Variants in PBK observed in about 807,000 individuals in gnomAD.
The protein encoded by PBK is lymphokine-activated killer T-cell-originated protein kinase.
PBK carries 22 observed loss-of-function variants against 33.5 expected under a neutral mutation model. The observed-to-expected ratio is 0.66, with a 90% CI of 0.47 to 0.94. PBK has a LOEUF of 0.94. PBK is among the 40% of genes least tolerant of loss of function. The pLI is 0.00. For synonymous variants in PBK, 129 were observed against 123.8 expected (o/e 1.04, Z -0.28); for missense variants, 376 against 383.4 (o/e 0.98, Z 0.16).
At chr8:27,816,565 A>G (rs1367364534) in intron 6 of PBK, among the ~76,000 whole-genome samples, 1 of 151,168 alleles carries the variant, frequency 6.6e-6, no homozygotes, top group Non-Finnish European at 1.5e-5. Context: ...TTTAGTAGAG[A>G]CGGGGTTTCA....
intron 6 of PBK, among the ~76,000 whole-genome samples, chr8:27,817,872 C>G (rs1213874835): frequency 6.6e-6 from 1 of 152,162 alleles, no homozygotes; most frequent in Non-Finnish European, 1.5e-5. Flanking sequence ...ATGAAACTTT[C>G]TATGATGATT....
chr8:27,822,379 T>G lies in PBK; in HGVS notation c.405A>C (p.Gln135His). ...AAATTATGGCTGCTGGAAAAGGATC[T>G]TGGCTGGCTTTATATCGTTCTTCTA... Reference protein sequence around the residue: ...DLIEERYKASQDPFPAAIILK... With the variant: ...DLIEERYKASHDPFPAAIILK... Residue 135 changes from glutamine (Q) to histidine (H), a missense_variant, in exon 5 of 8, where the codon CAA becomes CAC. Transcript: ENST00000301905. 6.2e-7 allele frequency: 1 copy of G among 1,613,726 alleles called. No individual in the cohort carries two copies. Among genetic ancestry groups the G allele is most frequent in the Non-Finnish European group, 8.5e-7 (1 of 1,179,814 alleles).
intron 1 of PBK, among the ~76,000 whole-genome samples, chr8:27,834,694 G>A (rs1438194618): frequency 6.6e-6 from 1 of 152,170 alleles, no homozygotes; most frequent in African/African-American, 2.4e-5. Context: ...AGGAGTTCAA[G>A]ACCAGCCTGG....
At chr8:27,825,275 AC>A (rs1003384738) in intron 3 of PBK, among the ~76,000 whole-genome samples, 5 of 152,244 alleles carry the variant, frequency 3.3e-5, no homozygotes, top group African/African-American at 1.2e-4. Context: ...CCCCTTCTCT[AC>A]AAAAAACTTT....
At position 27,816,343 on chromosome 8, in the gene PBK, C is replaced by CTATATATATATATATA. The variant is rs767822258; in HGVS notation, c.595+4221_595+4222insTATATATATATATATA. 1.2e-4 allele frequency among the ~76,000 whole-genome samples: 16 copies of CTATATATATATATATA among 136,376 alleles called. 1 individual carries two copies. The highest frequency in any genetic ancestry group is 3.7e-4 in the Admixed American group (5 of 13,678). 89.5% of individuals were successfully genotyped at this position (136,376 alleles called of 152,430 possible). On this transcript the variant is annotated intron_variant, in intron 6 of 7. Transcript: ENST00000301905. ...TAAGATTTTGGCTTTTCATCGAATA[C>CTATATATATATATATA]TATATATATATATATTTATTTATTT...
intron 6 of PBK, among the ~76,000 whole-genome samples, chr8:27,813,953 A>G (rs1805758686): frequency 6.8e-6 from 1 of 146,428 alleles, no homozygotes; most frequent in South Asian, 2.1e-4. Context: ...GCAGGTGTAC[A>G]TGTTTATGTG....
chr8:27,832,685 G>A (rs1050612148), intron 2 of PBK, among the ~76,000 whole-genome samples: 1 of 152,118 alleles, frequency 6.6e-6, no homozygotes, highest in Non-Finnish European at 1.5e-5. Flanking sequence ...TTTTTTGCAC[G>A]TGGATATCTA....
intron 6 of PBK, among the ~76,000 whole-genome samples, chr8:27,818,303 C>T (rs1178086249): frequency 6.6e-6 from 1 of 152,216 alleles, no homozygotes; most frequent in Non-Finnish European, 1.5e-5. Flanking sequence ...TACATTGTTG[C>T]TCATACTAGC....
rs557551242 is a variant in PBK at position 27,818,740 on chromosome 8, C to T, written c.595+1825G>A. ...CTCCAACCCACTGTGATATAGAATTCTTTTTTTTTAAATGGAGGTACCCAT... is the reference window on the plus strand; with the variant it reads ...CTCCAACCCACTGTGATATAGAATTTTTTTTTTTTAAATGGAGGTACCCAT... On this transcript the variant is annotated intron_variant, in intron 6 of 7. Coordinates refer to ENST00000301905, the MANE Select transcript of PBK (RefSeq NM_018492.4). Among the ~76,000 whole-genome samples the T allele has an allele frequency of 6.0e-5, 9 of 151,226 alleles. No homozygotes were observed. In the East Asian group the frequency reaches 1.4e-3, roughly 23 times the overall value.
At chr8:27,823,662 CTTA>C (rs559062816) in intron 3 of PBK, among the ~76,000 whole-genome samples, 85 of 152,044 alleles carry the variant, frequency 5.6e-4, no homozygotes, top group Non-Finnish European at 8.2e-4. Context: ...GCATGCTGTT[CTTA>C]TTGCTCCCCT....
Position 27,820,648 on chromosome 8 carries a change from G to GAAGA in PBK, c.508_511dup (p.Ser171PhefsTer7), listed in dbSNP as rs1387986794. ...AAAATCGCCTTTAATTACAACATTT[G>GAAGA]AAGACTTTATGTCTCCATGAAGCAG... On this transcript the variant is annotated frameshift_variant, in exon 6 of 8. Coordinates refer to ENST00000301905, the MANE Select transcript of PBK (RefSeq NM_018492.4). LOFTEE classifies it high-confidence loss of function. 1.3e-6 allele frequency: 2 copies of GAAGA among 1,568,878 alleles called. No homozygotes were observed. The highest frequency in any genetic ancestry group is 1.8e-6 in the Non-Finnish European group (2 of 1,141,766).
chr8:27,812,969 G>A (rs1805723663), intron 6 of PBK, among the ~76,000 whole-genome samples: 1 of 152,102 alleles, frequency 6.6e-6, no homozygotes, highest in Non-Finnish European at 1.5e-5. Context: ...CCCATTACTG[G>A]GTATACACCC....
chr8:27,822,474 T>A lies in PBK; in HGVS notation c.310A>T (p.Thr104Ser). The A allele has an allele frequency of 6.2e-7, 1 of 1,603,408 alleles. No individual in the cohort carries two copies. Among genetic ancestry groups the A allele is most frequent in the Non-Finnish European group, 8.5e-7 (1 of 1,175,022 alleles). ...HPNIVGYRAF[T>S]EANDGSLCLA... is the part of the protein sequence containing the mutation. ...CACAGACTGCCATCATTGGCTTCAG[T>A]AAAAGCACGATAACCTTAAAGAAAA... Residue 104 changes from threonine (T) to serine (S), a missense_variant, in exon 5 of 8, where the codon ACT becomes TCT. Transcript: ENST00000301905.
chr8:27,828,047 C>T (rs1806059050), intron 3 of PBK, 58 bp downstream of exon 3: 2 of 831,850 alleles, frequency 2.4e-6, no homozygotes, highest in South Asian at 2.9e-5. Flanking sequence ...TCTTTGTCTC[C>T]AAGTACAGTA....
chr8:27,827,820 G>A (rs988056957), intron 3 of PBK, among the ~76,000 whole-genome samples: 9 of 152,118 alleles, frequency 5.9e-5, no homozygotes, highest in African/African-American at 1.9e-4. Flanking sequence ...TACCACAAAG[G>A]AACCCTTTCC....
At chr8:27,833,727 C>G (rs189661539) in intron 1 of PBK, among the ~76,000 whole-genome samples, 98 of 151,968 alleles carry the variant, frequency 6.4e-4, no homozygotes, top group Admixed American at 1.8e-3. Flanking sequence ...AAAAAATCAC[C>G]TAGTACAAAA....
At position 27,822,426 on chromosome 8, in the gene PBK, C is replaced by A. The variant is rs1443938501; in HGVS notation, c.358G>T (p.Glu120Ter). 16 of 1,612,168 alleles carry A rather than the reference C, an allele frequency of 9.9e-6. No homozygotes were observed. The highest frequency in any genetic ancestry group is 1.4e-5 in the Non-Finnish European group (16 of 1,178,456). The change falls in exon 5 of 8, where the codon GAA becomes TAA. Residue 120 changes from glutamate to a stop codon, truncating the protein, a stop_gained. Coordinates refer to ENST00000301905, the MANE Select transcript of PBK (RefSeq NM_018492.4). LOFTEE classifies it high-confidence loss of function. The stretch of plus-strand genomic sequence containing the variant: ...TCTATTAAGTCATTTAGAGACTTTT[C>A]ACCTCCATATTCCATAGCAAGACAC... ...SLCLAMEYGGEKSLNDLIEER... is the reference protein window; with the variant it reads ...SLCLAMEYGG
intron 6 of PBK, chr8:27,812,512 G>A (rs1249819905): frequency 6.6e-6 from 1 of 151,434 alleles, no homozygotes; most frequent in Non-Finnish European, 1.5e-5. Flanking sequence ...GCAAAAGAAA[G>A]TACCATCAAA....
intron 3 of PBK, among the ~76,000 whole-genome samples, chr8:27,824,065 CTT>C (rs1488688828): frequency 6.6e-6 from 1 of 152,018 alleles, no homozygotes; most frequent in African/African-American, 2.4e-5. Context: ...ACTGCAGAAC[CTT>C]TTTTGTTTAA....
Sources: allele counts gnomAD v4.1 joint callset (sites outside exome capture counted in the v4.1 genomes callset), GRCh38; gene constraint gnomAD v4.1.1; transcripts MANE v1.5; gene names NCBI Gene and HGNC (gene_info 2026-07-23, HGNC 2026-07-21).